GRIA1: variants seen among roughly 807,000 people sequenced by gnomAD.
The protein encoded by GRIA1 is glutamate ionotropic receptor AMPA type subunit 1, also known as glutamate receptor 1.
Under a neutral mutation model 99.2 loss-of-function variants are expected in GRIA1, and 31 were observed. The ratio of observed to expected loss-of-function variants is 0.31; its 90% confidence interval spans 0.23 to 0.42. GRIA1 has a LOEUF of 0.42. GRIA1 is among the 10% of genes least tolerant of loss of function. The probability of loss-of-function intolerance (pLI) is 1.00; values close to 1 mark genes in which losing one functional copy is unlikely to be tolerated. For missense variants in GRIA1, 782 were observed against 1,157.5 expected (o/e 0.68, Z 4.71); for synonymous variants, 438 against 432.4 (o/e 1.01, Z -0.16).
chr5:153,723,809 G>T (rs982162402), intron 11 of GRIA1, among the ~76,000 whole-genome samples: 1 of 151,826 alleles, frequency 6.6e-6, no homozygotes, highest in African/African-American at 2.4e-5. Context: ...TCCACCTCTG[G>T]GGGCAGGGCA....
rs1227381457 is a variant in GRIA1 at position 153,813,137 on chromosome 5, C to T, written c.*1912C>T. On this transcript the variant is annotated 3_prime_UTR_variant, in exon 16 of 16. Transcript: ENST00000285900. The stretch of plus-strand genomic sequence containing the variant: ...CTTTTTTGACTCAAGTGTTGTTGTT[C>T]AGTCTCTCGCGTGTCAATGTGGTCA... 6.6e-6 allele frequency: 1 copy of T among 152,188 alleles called. No individual in the cohort carries two copies. The highest frequency in any genetic ancestry group is 1.5e-5 in the Non-Finnish European group (1 of 68,048). 9.4% of individuals were successfully genotyped at this position (152,188 alleles called of 1,614,324 possible).
At chr5:153,492,164 G>C in intron 1 of GRIA1, 1 of 1,501,758 alleles carries the variant, frequency 6.7e-7, no homozygotes, top group Non-Finnish European at 8.9e-7. Context: ...TGTTTGAGGG[G>C]GGATGTGGTG....
chr5:153,770,255 A>T lies in GRIA1; in HGVS notation c.2110A>T (p.Met704Leu). 1 of 1,613,982 alleles carries T rather than the reference A, an allele frequency of 6.2e-7. No homozygotes were observed. Among genetic ancestry groups the T allele is most frequent in the Non-Finnish European group, 8.5e-7 (1 of 1,179,924 alleles). ...TTTTGTGCGGACCACAGAGGAGGGG[A>T]TGATTCGAGTGAGGAAATCCAAAGG... ...SVFVRTTEEG[M>L]IRVRKSKGKY... Residue 704 changes from methionine to leucine, a missense_variant, in exon 13 of 16, where the codon ATG becomes TTG. Met to Leu is a conservative substitution (Grantham distance 15). Coordinates refer to ENST00000285900, the MANE Select transcript of GRIA1 (RefSeq NM_000827.4).
chr5:153,659,702 G>A (rs1755216888), intron 5 of GRIA1, among the ~76,000 whole-genome samples: 1 of 152,174 alleles, frequency 6.6e-6, no homozygotes. Flanking sequence ...GCCAATATGA[G>A]TACCTAAACC....
chr5:153,601,343 TA>T (rs1425074944), intron 2 of GRIA1, among the ~76,000 whole-genome samples: 1 of 152,234 alleles, frequency 6.6e-6, no homozygotes, highest in Non-Finnish European at 1.5e-5. Context: ...TTTAACTTCT[TA>T]TTTCCAGAAA....
chr5:153,535,387 C>T (rs1758474324), intron 2 of GRIA1, among the ~76,000 whole-genome samples: 2 of 152,168 alleles, frequency 1.3e-5, no homozygotes, highest in Non-Finnish European at 2.9e-5. Context: ...GCTTCTTAGC[C>T]TGTTGGAGAA....
chr5:153,501,721 G>C (rs1755028835), intron 2 of GRIA1, among the ~76,000 whole-genome samples: 1 of 152,168 alleles, frequency 6.6e-6, no homozygotes, highest in Admixed American at 6.5e-5. Context: ...TGGCAGATGG[G>C]CAGGAGGATG....
intron 11 of GRIA1, 193 bp downstream of exon 11, chr5:153,706,260 A>G (rs977409793): frequency 2.0e-5 from 12 of 612,174 alleles, no homozygotes; most frequent in African/African-American, 1.9e-4. Flanking sequence ...TAGCTGGGCC[A>G]TCTCTGTCTG....
At position 153,647,036 on chromosome 5, in the gene GRIA1, C is replaced by T. The variant is rs1194364279; in HGVS notation, c.329C>T (p.Thr110Met). The T allele has an allele frequency of 1.9e-6, 3 of 1,613,874 alleles. No individual in the cohort carries two copies. The highest frequency in any genetic ancestry group is 2.5e-6 in the Non-Finnish European group (3 of 1,179,920). The change falls in exon 3 of 16, where the codon ACG becomes ATG. Residue 110 changes from threonine (T) to methionine (M), a missense_variant. This residue lies in a region of GRIA1 where 461 missense variants were observed against 521.7 expected (regional missense o/e 0.88). Transcript: ENST00000285900. ...FCGALHVCFITPSFPVDTSNQ... is the reference protein window; with the variant it reads ...FCGALHVCFIMPSFPVDTSNQ... ...GGGGCCCTCCACGTCTGCTTCATTA[C>T]GCCGAGCTTTCCCGTTGATACATCC...
intron 11 of GRIA1, among the ~76,000 whole-genome samples, chr5:153,750,593 G>A (rs950614310): frequency 6.6e-6 from 1 of 152,126 alleles, no homozygotes; most frequent in Non-Finnish European, 1.5e-5. Flanking sequence ...CAGGCCCCAA[G>A]TGTCTGCTTT....
chr5:153,662,051 C>G (rs1246648086), intron 5 of GRIA1, among the ~76,000 whole-genome samples: 1 of 152,228 alleles, frequency 6.6e-6, no homozygotes, highest in African/African-American at 2.4e-5. Flanking sequence ...CTGTGTCACT[C>G]TCTCATCACT....
chr5:153,649,913 G>A (rs951267900), intron 3 of GRIA1, among the ~76,000 whole-genome samples: 9 of 152,168 alleles, frequency 5.9e-5, no homozygotes, highest in African/African-American at 1.4e-4. Context: ...ACTGAGTGCC[G>A]AATAAAACTA....
chr5:153,774,746 A>G (rs948036731), intron 13 of GRIA1, among the ~76,000 whole-genome samples: 2 of 152,220 alleles, frequency 1.3e-5, no homozygotes, highest in Non-Finnish European at 1.5e-5. Flanking sequence ...AGATCAGATA[A>G]CTGACATCTA....
chr5:153,628,039 G>T (rs1374158356), intron 2 of GRIA1, among the ~76,000 whole-genome samples: 1 of 152,206 alleles, frequency 6.6e-6, no homozygotes, highest in Non-Finnish European at 1.5e-5. Context: ...AAACGTCTAA[G>T]CAGCTTGCTT....
intron 2 of GRIA1, among the ~76,000 whole-genome samples, chr5:153,549,664 T>G (rs980392059): frequency 2.0e-5 from 3 of 152,098 alleles, no homozygotes; most frequent in Non-Finnish European, 4.4e-5. Context: ...CGATTTCCCC[T>G]CCCTTTTCAA....
At chr5:153,764,915 A>G (rs1005465776) in intron 12 of GRIA1, among the ~76,000 whole-genome samples, 3 of 152,118 alleles carry the variant, frequency 2.0e-5, no homozygotes, top group African/African-American at 7.2e-5. Flanking sequence ...ATCAAATACA[A>G]TTTCCTCTCT....
intron 11 of GRIA1, among the ~76,000 whole-genome samples, chr5:153,707,688 C>A (rs1759013643): frequency 1.3e-5 from 2 of 152,080 alleles, no homozygotes; most frequent in South Asian, 4.1e-4. Flanking sequence ...CAAGGAGGAC[C>A]AATATTCCTA....
chr5:153,517,110 C>T (rs1238166123), intron 2 of GRIA1, among the ~76,000 whole-genome samples: 2 of 152,222 alleles, frequency 1.3e-5, no homozygotes, highest in South Asian at 4.1e-4. Context: ...CCCTCAGCCA[C>T]GCAGGAAACC....
intron 15 of GRIA1, among the ~76,000 whole-genome samples, chr5:153,808,529 T>C (rs1454945707): frequency 1.3e-5 from 2 of 152,212 alleles, no homozygotes; most frequent in Non-Finnish European, 1.5e-5. Flanking sequence ...TTAGATCATG[T>C]GGTTCAACTT....
Sources: allele counts gnomAD v4.1 joint callset (sites outside exome capture counted in the v4.1 genomes callset), GRCh38; gene constraint gnomAD v4.1.1; regional missense constraint gnomAD v4.1.1; transcripts MANE v1.5; gene names NCBI Gene and HGNC (gene_info 2026-07-23, HGNC 2026-07-21).